The following ZNF93 variants were observed in gnomAD, a reference collection of about 807,000 sequenced individuals.
ZNF93 encodes the protein zinc finger protein 505.
ZNF93 carries 29 observed loss-of-function variants against 45.0 expected under a neutral mutation model. The observed-to-expected ratio is 0.64, with a 90% CI of 0.48 to 0.88. ZNF93 has a LOEUF of 0.88. ZNF93 is among the 40% of genes least tolerant of loss of function. The pLI, the probability that ZNF93 is intolerant of heterozygous loss-of-function variation, is 0.00. For synonymous variants in ZNF93, 223 were observed against 244.6 expected (o/e 0.91, Z 0.82); for missense variants, 578 against 724.0 (o/e 0.80, Z 2.31).
At chr19:19,901,741 C>A (rs937832018) in intron 1 of ZNF93, among the ~76,000 whole-genome samples, 3 of 152,048 alleles carry the variant, frequency 2.0e-5, no homozygotes, top group African/African-American at 7.2e-5. Flanking sequence ...TTAGATTGTG[C>A]GGTGGGACCT....
rs769605592 is a variant in ZNF93 at position 19,933,443 on chromosome 19, A to AT, written c.489dup (p.Asn164Ter). ...CATAAATTTTCAAATTCAAATAGAC[A>AT]TAATATAAGACATACTGAAAAAAAA... On this transcript the variant is annotated frameshift_variant, in exon 4 of 4. Coordinates refer to ENST00000343769, the MANE Select transcript of ZNF93 (RefSeq NM_031218.4). LOFTEE classifies it high-confidence loss of function. The AT allele has an allele frequency of 6.3e-7, 1 of 1,599,532 alleles. No individual in the cohort carries two copies. Among genetic ancestry groups the AT allele is most frequent in the Non-Finnish European group, 8.5e-7 (1 of 1,175,676 alleles).
chr19:19,909,072 G>A (rs1042084516), intron 1 of ZNF93: 1 of 152,152 alleles, frequency 6.6e-6, no homozygotes, highest in Non-Finnish European at 1.5e-5. Context: ...CTGAAACACT[G>A]CTCACATTCT....
intron 3 of ZNF93, chr19:19,927,125 G>A (rs2063358560): frequency 2.5e-6 from 1 of 398,352 alleles, no homozygotes; most frequent in Admixed American, 4.4e-5. Flanking sequence ...AGGTGTGGTT[G>A]TGGTGCTCAT....
chr19:19,913,111 G>T (rs2063314189), intron 1 of ZNF93, among the ~76,000 whole-genome samples: 1 of 149,822 alleles, frequency 6.7e-6, no homozygotes, highest in South Asian at 2.1e-4. Flanking sequence ...TGCTCATAAT[G>T]AGCCAGTGGG....
chr19:19,901,240 C>A, intron 1 of ZNF93, 149 bp downstream of exon 1: 2 of 1,326,716 alleles, frequency 1.5e-6, no homozygotes, highest in Non-Finnish European at 2.1e-6. Context: ...TTCCCTTCAG[C>A]CATAAGATGG....
chr19:19,928,811 A>G (rs10414504), intron 3 of ZNF93, among the ~76,000 whole-genome samples: 27,194 of 152,180 alleles, frequency 0.18, 4,902 homozygotes, highest in African/African-American at 0.46. Context: ...ATGGCACCCA[A>G]TCAGTATTTT....
intron 1 of ZNF93, chr19:19,914,682 T>C (rs957881791): frequency 4.2e-6 from 1 of 239,630 alleles, no homozygotes; most frequent in African/African-American, 2.4e-5. Flanking sequence ...TTTTTCTTTT[T>C]TTTTCTATAT....
chr19:19,917,310 A>T (rs1377559698), intron 3 of ZNF93, among the ~76,000 whole-genome samples: 1 of 148,852 alleles, frequency 6.7e-6, no homozygotes, highest in Non-Finnish European at 1.5e-5. Flanking sequence ...TACTTTGGAT[A>T]ATATGACACT....
Position 19,934,119 on chromosome 19 carries a change from G to C in ZNF93, c.1164G>C (p.Lys388Asn), listed in dbSNP as rs140935689. The C allele has an allele frequency of 1.4e-3, 2,308 of 1,611,442 alleles. 5 individuals are homozygous for C. The highest frequency in any genetic ancestry group is 1.8e-3 in the Non-Finnish European group (2,137 of 1,179,540). ...GGTCCTCAGTCCTAACTAGACATAAGAGAGTTCATACTGGAGAGAAGCCCT... is the reference window on the plus strand; with the variant it reads ...GGTCCTCAGTCCTAACTAGACATAACAGAGTTCATACTGGAGAGAAGCCCT... The part of the protein sequence containing the change: ...FIWSSVLTRH[K>N]RVHTGEKPYK... The change falls in exon 4 of 4, where the codon AAG becomes AAC. Residue 388 changes from lysine to asparagine, a missense_variant. Around this residue, in one of 3 missense-constraint regions of ZNF93, gnomAD observed 446 missense variants for 547.6 expected, o/e 0.81. Transcript: ENST00000343769.
chr19:19,914,561 G>GCT (rs1001280961), intron 1 of ZNF93, among the ~76,000 whole-genome samples: 3 of 152,138 alleles, frequency 2.0e-5, no homozygotes, highest in African/African-American at 7.2e-5. Context: ...TGGTGAAGTA[G>GCT]CTCTCTCTCA....
chr19:19,914,342 A>G (rs929003979), intron 1 of ZNF93, among the ~76,000 whole-genome samples: 8 of 152,238 alleles, frequency 5.3e-5, no homozygotes, highest in African/African-American at 1.9e-4. Flanking sequence ...GTGCTAAATG[A>G]AGCCTATTTA....
intron 1 of ZNF93, among the ~76,000 whole-genome samples, chr19:19,912,650 ACT>A (rs1409579674): frequency 1.3e-5 from 2 of 151,328 alleles, no homozygotes; most frequent in Non-Finnish European, 2.9e-5. Context: ...ACTACATTAA[ACT>A]CTTCTGTATC....
intron 1 of ZNF93, among the ~76,000 whole-genome samples, chr19:19,913,055 T>A (rs1430729142): frequency 6.6e-6 from 1 of 152,132 alleles, no homozygotes; most frequent in Admixed American, 6.5e-5. Context: ...ATGGCAAGAG[T>A]GTTAAGTGTA....
chr19:19,916,301 G>A (rs975687866), intron 2 of ZNF93, among the ~76,000 whole-genome samples: 7 of 151,982 alleles, frequency 4.6e-5, no homozygotes, highest in Admixed American at 4.6e-4. Context: ...TCCTGACTTC[G>A]TGATCCGCCC....
At position 19,901,095 on chromosome 19, in the gene ZNF93, A is replaced by T; in HGVS notation, c.3+4A>T. 1 of 1,613,202 alleles carries T rather than the reference A, an allele frequency of 6.2e-7. No individual in the cohort carries two copies. Among genetic ancestry groups the T allele is most frequent in the South Asian group, 1.1e-5 (1 of 91,040 alleles). ...GACCCCTGGAAGCCTAGAAATGGTG[A>T]GAGTGCCGGTCCGACATCCCAAGCG... is the stretch of plus-strand genomic sequence containing the variant. On this transcript the variant is annotated splice_donor_region_variant and intron_variant, in intron 1 of 3. Coordinates refer to ENST00000343769, the MANE Select transcript of ZNF93 (RefSeq NM_031218.4).
chr19:19,932,038 G>A, intron 3 of ZNF93: 2 of 345,260 alleles, frequency 5.8e-6, no homozygotes, highest in Non-Finnish European at 5.6e-6. Context: ...CACTTTGGGA[G>A]GCCAAGGTGG....
intron 1 of ZNF93, among the ~76,000 whole-genome samples, chr19:19,907,433 A>G (rs2063295987): frequency 6.6e-6 from 1 of 152,256 alleles, no homozygotes; most frequent in African/African-American, 2.4e-5. Context: ...TAAACTGAAC[A>G]GTGGAGTCTG....
Position 19,915,395 on chromosome 19 carries a change from T to C in ZNF93, c.119T>C (p.Leu40Pro). Residue 40 changes from leucine to proline, a missense_variant, in exon 2 of 4, where the codon CTG becomes CCG. Leu to Pro is a moderately conservative substitution (Grantham distance 98). Coordinates refer to ENST00000343769, the MANE Select transcript of ZNF93 (RefSeq NM_031218.4). ...RNVMLENYSN[L>P]VFLGIVVSKP... ...GTGATGTTAGAGAACTACAGTAACCTGGTCTTCCTTGGTGAGGATAACTTT... is the reference window on the plus strand; with the variant it reads ...GTGATGTTAGAGAACTACAGTAACCCGGTCTTCCTTGGTGAGGATAACTTT... 1 of 1,613,196 alleles carries C rather than the reference T, an allele frequency of 6.2e-7. No homozygotes were observed. The highest frequency in any genetic ancestry group is 8.5e-7 in the Non-Finnish European group (1 of 1,179,632).
chr19:19,904,678 C>G (rs1044369497), intron 1 of ZNF93, among the ~76,000 whole-genome samples: 9 of 148,870 alleles, frequency 6.0e-5, no homozygotes, highest in Non-Finnish European at 9.0e-5. Context: ...TATCATGGAG[C>G]CCTAGCCTGG....
Sources: allele counts gnomAD v4.1 joint callset (sites outside exome capture counted in the v4.1 genomes callset), GRCh38; gene constraint gnomAD v4.1.1; regional missense constraint gnomAD v4.1.1; transcripts MANE v1.5; gene names NCBI Gene and HGNC (gene_info 2026-07-23, HGNC 2026-07-21).